The following SORBS2 variants were observed in gnomAD, a reference collection of about 807,000 sequenced individuals.
SORBS2 encodes sorbin and SH3 domain containing 2, also known as sorbin and SH3 domain-containing protein 2.
In SORBS2, 46 loss-of-function variants were observed where a neutral mutation model predicts 97.7. The observed-to-expected ratio is 0.47, with a 90% CI of 0.37 to 0.60. The LOEUF (loss-of-function observed/expected upper bound fraction) is 0.60, where lower values mean the gene tolerates loss of function less well. SORBS2 is among the 20% of genes least tolerant of loss of function. The pLI is 0.00. For missense variants in SORBS2, 1,316 were observed against 1,282.3 expected (o/e 1.03, Z -0.40); for synonymous variants, 476 against 473.4 (o/e 1.01, Z -0.07).
chr4:185,649,537 G>A, exon 3 of SORBS2: 1 of 1,606,696 alleles, frequency 6.2e-7, no homozygotes, highest in African/African-American at 1.3e-5. Flanking sequence ...GGAGGCACTG[G>A]GGAGGACGCA....
At chr4:185,761,682 T>C (rs140676463) in intron 2 of SORBS2, 3 of 152,360 alleles carry the variant, frequency 2.0e-5, no homozygotes, top group Non-Finnish European at 4.4e-5. Context: ...GTGAACATTG[T>C]GTCCGAAAGA....
At chr4:185,596,163 C>T (rs989460991) in intron 12 of SORBS2, among the ~76,000 whole-genome samples, 4 of 152,096 alleles carry the variant, frequency 2.6e-5, no homozygotes, top group African/African-American at 4.8e-5. Context: ...ACATTTAAAC[C>T]ATTTTAATAT....
chr4:185,642,824 G>A (rs577345522), intron 4 of SORBS2, among the ~76,000 whole-genome samples: 3 of 152,310 alleles, frequency 2.0e-5, no homozygotes, highest in African/African-American at 7.2e-5. Flanking sequence ...GTGGAATTAT[G>A]AGTCACTACT....
intron 1 of SORBS2, among the ~76,000 whole-genome samples, chr4:185,817,516 A>G (rs1270010617): frequency 1.3e-5 from 2 of 152,144 alleles, no homozygotes; most frequent in African/African-American, 4.8e-5. Flanking sequence ...ACATTAATAG[A>G]GTGTAGCTCC....
chr4:185,700,858 C>T (rs953544776), intron 2 of SORBS2, among the ~76,000 whole-genome samples: 1 of 152,144 alleles, frequency 6.6e-6, no homozygotes, highest in South Asian at 2.1e-4. Context: ...ATTTTTCATA[C>T]CTAATATAGT....
intron 1 of SORBS2, among the ~76,000 whole-genome samples, chr4:185,948,397 T>C (rs2099275549): frequency 1.3e-5 from 2 of 152,180 alleles, no homozygotes; most frequent in Admixed American, 1.3e-4. Flanking sequence ...TCCATCTATC[T>C]TTCTGTTCAT....
intron 2 of SORBS2, among the ~76,000 whole-genome samples, chr4:185,701,846 C>T (rs892642828): frequency 4.0e-5 from 6 of 151,642 alleles, no homozygotes; most frequent in African/African-American, 1.5e-4. Flanking sequence ...TCTCAGCTCA[C>T]TGCAACCTCT....
At chr4:185,588,997 T>C (rs2095858353) in intron 14 of SORBS2, among the ~76,000 whole-genome samples, 1 of 152,108 alleles carries the variant, frequency 6.6e-6, no homozygotes, top group South Asian at 2.1e-4. Context: ...TTGCCACCGA[T>C]GGATGTCTAG....
At position 185,709,304 on chromosome 4, in the gene SORBS2, C is replaced by CCTTTTTTTTTTTTTTTTT. The variant is rs1554199361; in HGVS notation, c.-197-30483_-197-30482insAAAAAAAAAAAAAAAAAG. The stretch of plus-strand genomic sequence containing the variant: ...GCATGAGCCGCTGTGCTGGCCAAAT[C>CCTTTTTTTTTTTTTTTTT]TTTTTTTTTTTTTTTTTTTTAGTAA... On this transcript the variant is annotated intron_variant, in intron 2 of 20. Coordinates refer to the SORBS2 transcript ENST00000284776. 7.6e-3 allele frequency among the ~76,000 whole-genome samples: 734 copies of CCTTTTTTTTTTTTTTTTT among 96,630 alleles called. 96 individuals are homozygous for CCTTTTTTTTTTTTTTTTT. The highest frequency in any genetic ancestry group is 0.014 in the East Asian group (46 of 3,288). The allele number at this position is 96,630 out of a possible 152,430, so 63.4% of individuals were successfully genotyped here.
At chr4:185,712,823 C>A (rs571090047) in intron 2 of SORBS2, among the ~76,000 whole-genome samples, 5 of 152,332 alleles carry the variant, frequency 3.3e-5, no homozygotes, top group African/African-American at 1.2e-4. Flanking sequence ...AGGCACCCCC[C>A]TCGCAAGTGC....
At chr4:185,805,815 G>A (rs1038455249) in intron 1 of SORBS2, among the ~76,000 whole-genome samples, 5 of 152,178 alleles carry the variant, frequency 3.3e-5, no homozygotes, top group Non-Finnish European at 7.3e-5. Context: ...TTAAATGCAC[G>A]CGTTTTGGAA....
At chr4:185,832,094 C>T (rs1187850521) in intron 1 of SORBS2, among the ~76,000 whole-genome samples, 1 of 152,110 alleles carries the variant, frequency 6.6e-6, no homozygotes, top group African/African-American at 2.4e-5. Context: ...AATATTAGTT[C>T]TTTGAATATT....
intron 2 of SORBS2, chr4:185,772,666 TACAA>T (rs1327270793): frequency 1.3e-5 from 2 of 152,224 alleles, no homozygotes; most frequent in South Asian, 4.1e-4. Flanking sequence ...ATCCCACGGC[TACAA>T]ACATTCACAT....
chr4:185,742,839 T>C (rs1278411614), intron 2 of SORBS2, among the ~76,000 whole-genome samples: 1 of 152,238 alleles, frequency 6.6e-6, no homozygotes, highest in African/African-American at 2.4e-5. Flanking sequence ...CCTGTGCTAC[T>C]TGATGTGGGA....
intron 1 of SORBS2, among the ~76,000 whole-genome samples, chr4:185,787,132 C>T (rs76742057): frequency 0.023 from 3,512 of 152,144 alleles, 139 homozygotes; most frequent in African/African-American, 0.08. Flanking sequence ...CCTCTTTTTC[C>T]TACTACACTG....
At chr4:185,634,890 T>C (rs1358718999) in intron 4 of SORBS2, among the ~76,000 whole-genome samples, 1 of 152,088 alleles carries the variant, frequency 6.6e-6, no homozygotes, top group Non-Finnish European at 1.5e-5. Context: ...GATAATACAA[T>C]CCGTAAGTTG....
At chr4:185,663,017 A>G (rs1261137704) in intron 4 of SORBS2, among the ~76,000 whole-genome samples, 3 of 152,204 alleles carry the variant, frequency 2.0e-5, no homozygotes, top group Non-Finnish European at 4.4e-5. Flanking sequence ...AGTGCTGATG[A>G]CAGAGTAGAT....
chr4:185,721,530 A>G (rs1293411767), intron 2 of SORBS2, among the ~76,000 whole-genome samples: 1 of 152,204 alleles, frequency 6.6e-6, no homozygotes, highest in African/African-American at 2.4e-5. Context: ...AACTTCCTGG[A>G]GCAGCCCAAG....
chr4:185,920,097 T>A (rs1189191612), intron 1 of SORBS2, among the ~76,000 whole-genome samples: 1 of 152,230 alleles, frequency 6.6e-6, no homozygotes, highest in Admixed American at 6.5e-5. Flanking sequence ...GGAAAATGAG[T>A]TTCAAAATAG....
Sources: gnomAD v4.1 joint callset for allele counts (sites outside exome capture counted in the v4.1 genomes callset) on GRCh38, gnomAD v4.1.1 for gene constraint, MANE v1.5 for transcripts, NCBI Gene and HGNC (gene_info 2026-07-23, HGNC 2026-07-21) for gene names.